Variants in LAMA3 observed in about 807,000 individuals in gnomAD.
The protein encoded by LAMA3 is laminin subunit alpha 3.
LAMA3 carries 281 observed loss-of-function variants against 402.0 expected under a neutral mutation model. That is an observed-to-expected ratio of 0.70 (90% CI 0.63 to 0.77). The LOEUF is 0.77. Among genes scored for constraint, LAMA3 ranks in the 30% least tolerant of loss-of-function variants. LAMA3 has a pLI of 0.00. For missense variants in LAMA3, 3,840 were observed against 4,215.5 expected (o/e 0.91, Z 2.47); for synonymous variants, 1,431 against 1,558.4 (o/e 0.92, Z 1.93).
At chr18:23,690,037 A>G in intron 1 of LAMA3, 60 bp downstream of exon 1, 3 of 1,276,420 alleles carry the variant, frequency 2.4e-6, no homozygotes, top group Non-Finnish European at 3.1e-6. Context: ...CCGGCCAGAC[A>G]CCCGGAGAAG....
At chr18:23,753,282 C>G (rs906430929) in intron 5 of LAMA3, among the ~76,000 whole-genome samples, 2 of 152,098 alleles carry the variant, frequency 1.3e-5, no homozygotes, top group Non-Finnish European at 2.9e-5. Context: ...CTTCCCAGAA[C>G]CTGGGATAGT....
At chr18:23,706,469 A>T (rs929190684) in intron 1 of LAMA3, among the ~76,000 whole-genome samples, 1 of 152,110 alleles carries the variant, frequency 6.6e-6, no homozygotes. Flanking sequence ...TTATCATCAA[A>T]CTTTAAACTT....
chr18:23,689,974 C>G lies in LAMA3; in HGVS notation c.291C>G (p.Ile97Met), dbSNP rs1227952534. 4 of 1,486,344 alleles carry G rather than the reference C, an allele frequency of 2.7e-6. No homozygotes were observed. The highest frequency in any genetic ancestry group is 2.7e-6 in the Non-Finnish European group (3 of 1,115,966). 92.1% of individuals were successfully genotyped at this position (1,486,344 alleles called of 1,614,324 possible). Residue 97 changes from isoleucine (I) to methionine (M), a missense_variant, in exon 1 of 75, where the codon ATC (isoleucine) becomes ATG (methionine). This residue lies in a region of LAMA3 where 2,109 missense variants were observed against 2,376.0 expected (regional missense o/e 0.89). Coordinates refer to ENST00000313654, the MANE Select transcript of LAMA3 (RefSeq NM_198129.4). ...GPTAPGSGHT[I>M]QGQFCDYCNS... ...CCGCCCCAGGCAGCGGCCACACCAT[C>G]CAGGTGAGGGCCTCGGAGAGAGCCG...
intron 2 of LAMA3, among the ~76,000 whole-genome samples, chr18:23,718,018 C>T (rs1008623626): frequency 2.6e-5 from 4 of 152,094 alleles, no homozygotes; most frequent in African/African-American, 9.7e-5. Context: ...AGAATGAGAA[C>T]ACGATGTCTT....
intron 1 of LAMA3, among the ~76,000 whole-genome samples, chr18:23,704,129 A>G (rs1039891937): frequency 2.0e-5 from 3 of 152,190 alleles, no homozygotes; most frequent in African/African-American, 7.2e-5. Context: ...TTGATGGATG[A>G]ACGTTGGTTA....
At chr18:23,725,950 T>C (rs1598655721) in intron 2 of LAMA3, among the ~76,000 whole-genome samples, 1 of 152,254 alleles carries the variant, frequency 6.6e-6, no homozygotes, top group East Asian at 1.9e-4. Context: ...TTTTAAGCAC[T>C]TTGAGTGATA....
chr18:23,780,612 G>C (rs1019361171), intron 11 of LAMA3, among the ~76,000 whole-genome samples: 4 of 152,158 alleles, frequency 2.6e-5, no homozygotes, highest in Non-Finnish European at 5.9e-5. Context: ...CAGATGTGTA[G>C]GTTTGCAAGG....
chr18:23,788,646 A>G (rs531228916), intron 12 of LAMA3, among the ~76,000 whole-genome samples: 1 of 152,142 alleles, frequency 6.6e-6, no homozygotes, highest in African/African-American at 2.4e-5. Flanking sequence ...TAAACGTAAG[A>G]GCTAAAACTA....
chr18:23,827,180 A>T (rs917356537), intron 22 of LAMA3, 134 bp from the exon 23 acceptor site: 1 of 988,150 alleles, frequency 1.0e-6, no homozygotes. Context: ...GCAGACACTT[A>T]ATAAGAGTTT....
intron 74 of LAMA3, among the ~76,000 whole-genome samples, chr18:23,953,387 G>C (rs567759762): frequency 2.7e-5 from 4 of 149,518 alleles, no homozygotes; most frequent in Non-Finnish European, 4.4e-5. Flanking sequence ...TGTTGCCCAG[G>C]CTGGAGAGCA....
rs1169058084 is a variant in LAMA3, at chr18:23,846,194, T to C, written c.3720-103T>C. The C allele has an allele frequency of 4.4e-6, 5 of 1,144,332 alleles. No homozygotes were observed. The African/African-American group carries it at 6.1e-5, about 14-fold the overall frequency. The allele number at this position is 1,144,332 out of a possible 1,614,324, so 70.9% of individuals were successfully genotyped here. On this transcript the variant is annotated intron_variant, in intron 30 of 74. Transcript: ENST00000313654. ...CCCTGACTCCAGAACCATGAGCCCG[T>C]CCCACAGATGCTGCTGGGTGGAGCA...
chr18:23,928,590 C>G, intron 63 of LAMA3, 35 bp from the exon 64 acceptor site: 1 of 1,608,168 alleles, frequency 6.2e-7, no homozygotes, highest in Non-Finnish European at 8.5e-7. Context: ...GAAATGATTA[C>G]AATGCCAGTA....
intron 55 of LAMA3, among the ~76,000 whole-genome samples, chr18:23,909,854 A>G (rs552853101): frequency 2.6e-5 from 4 of 152,340 alleles, no homozygotes; most frequent in South Asian, 2.1e-4. Context: ...ATATTTTCCA[A>G]TAACTCCTAG....
In LAMA3 at chr18:23,827,400, C is replaced by G. The variant is rs1449164291; in HGVS notation, c.2756C>G (p.Pro919Arg). ...AGACACTTCCTGCTTGATGGGGAGC[C>G]AAGACCCGTGGCAGTGAGGCAGCCC... Reference protein sequence around the residue: ...EARHFLLDGEPRPVAVRQPTP... With the variant: ...EARHFLLDGERRPVAVRQPTP... The change falls in exon 23 of 75, where the codon CCA (proline) becomes CGA (arginine). Residue 919 changes from proline (P) to arginine (R), a missense_variant. Around this residue, in one of 3 missense-constraint regions of LAMA3, gnomAD observed 2,109 missense variants for 2,376.0 expected, o/e 0.89. Transcript: ENST00000313654. 3 of 1,614,182 alleles carry G rather than the reference C, an allele frequency of 1.9e-6. No individual in the cohort carries two copies. Among genetic ancestry groups the G allele is most frequent in the South Asian group, 1.1e-5 (1 of 91,080 alleles).
At chr18:23,772,332 A>G (rs1263664395) in intron 8 of LAMA3, among the ~76,000 whole-genome samples, 1 of 152,114 alleles carries the variant, frequency 6.6e-6, no homozygotes, top group South Asian at 2.1e-4. Flanking sequence ...GAGCCACTGC[A>G]CCTGGGCTGA....
chr18:23,901,075 A>G, intron 47 of LAMA3, 52 bp from the exon 48 acceptor site: 2 of 1,485,458 alleles, frequency 1.3e-6, no homozygotes, highest in Non-Finnish European at 1.9e-6. Context: ...TTTATAACCC[A>G]GCTTCAGTAT....
intron 32 of LAMA3, among the ~76,000 whole-genome samples, chr18:23,852,775 CCTAA>C (rs1351760485): frequency 2.0e-5 from 3 of 152,250 alleles, no homozygotes; most frequent in East Asian, 3.9e-4. Context: ...TTCTATCTAC[CCTAA>C]CTTTTAGTAC....
At chr18:23,731,644 A>G (rs2061396009) in intron 2 of LAMA3, among the ~76,000 whole-genome samples, 1 of 152,206 alleles carries the variant, frequency 6.6e-6, no homozygotes, top group Non-Finnish European at 1.5e-5. Flanking sequence ...AGCTGTTGGC[A>G]TGGTGTAATT....
chr18:23,894,734 C>T (rs578077347), intron 43 of LAMA3, among the ~76,000 whole-genome samples, 173 bp from the exon 44 acceptor site: 2 of 152,356 alleles, frequency 1.3e-5, no homozygotes, highest in East Asian at 1.9e-4. Flanking sequence ...GCTCCCTGTG[C>T]ACAGGGCTCT....
Sources: gnomAD v4.1 joint callset for allele counts (sites outside exome capture counted in the v4.1 genomes callset) on GRCh38, gnomAD v4.1.1 for gene constraint, gnomAD v4.1.1 regional missense constraint, MANE v1.5 for transcripts, NCBI Gene and HGNC (gene_info 2026-07-23, HGNC 2026-07-21) for gene names.